Variants in ARF4 observed in about 807,000 individuals in gnomAD.
The protein encoded by ARF4 is ARF GTPase 4, also known as ADP-ribosylation factor 4.
A neutral mutation model predicts 24.3 loss-of-function variants in ARF4; 5 were observed. The ratio of observed to expected loss-of-function variants is 0.21; its 90% CI spans 0.11 to 0.43. The LOEUF (loss-of-function observed/expected upper bound fraction) is 0.43, where lower values mean the gene tolerates loss of function less well. ARF4 is among the 20% of genes least tolerant of loss of function. The pLI is 1.00. For missense variants in ARF4, 107 were observed against 213.0 expected (o/e 0.50, Z 3.10); for synonymous variants, 62 against 73.5 (o/e 0.84, Z 0.80).
chr3:57,572,366 C>G, intron 5 of ARF4, 68 bp from the exon 6 acceptor site: 6 of 1,162,608 alleles, frequency 5.2e-6, no homozygotes, highest in Non-Finnish European at 7.6e-6. Context: ...TTTAAACTTT[C>G]TTAATCAAAC....
rs751389168 is a variant in ARF4, at chr3:57,575,725, G to T, written c.331-52C>A. On this transcript the variant is annotated intron_variant, in intron 4 of 5. Transcript: ENST00000303436. ...AACTACCAACCGGAATCCAATTTTT[G>T]AAAATGTCTTCCTATATATACTTTA... 29 of 1,547,510 alleles carry T rather than the reference G, an allele frequency of 1.9e-5. No individual in the cohort carries two copies. In the Middle Eastern group the frequency reaches 6.9e-4, roughly 37 times the overall value.
intron 1 of ARF4, among the ~76,000 whole-genome samples, chr3:57,594,514 T>A (rs1345437960): frequency 1.3e-5 from 2 of 152,278 alleles, no homozygotes; most frequent in African/African-American, 4.8e-5. Context: ...TACACTGTGT[T>A]GGTTTTTTAA....
intron 1 of ARF4, among the ~76,000 whole-genome samples, chr3:57,591,623 C>T (rs2070117706): frequency 6.6e-6 from 1 of 152,070 alleles, no homozygotes; most frequent in African/African-American, 2.4e-5. Context: ...TCTGCCACCA[C>T]ACCCGGCTAA....
intron 1 of ARF4, among the ~76,000 whole-genome samples, chr3:57,593,276 A>G (rs2070136598): frequency 6.6e-6 from 1 of 152,194 alleles, no homozygotes; most frequent in Admixed American, 6.6e-5. Flanking sequence ...CAGATAGGTA[A>G]TTATCACTTT....
intron 1 of ARF4, 191 bp downstream of exon 1, chr3:57,596,883 G>C: frequency 1.7e-6 from 1 of 598,770 alleles, no homozygotes. Flanking sequence ...CTCGTCTGGC[G>C]ACAGATCGGG....
At chr3:57,596,743 G>C in intron 1 of ARF4, 1 of 297,156 alleles carries the variant, frequency 3.4e-6, no homozygotes, top group South Asian at 3.5e-5. Flanking sequence ...CCCAGAAAGG[G>C]CCTCGCCAAG....
Position 57,577,340 on chromosome 3 carries a change from T to C in ARF4, c.306A>G (p.Glu102=). 10 of 1,613,812 alleles carry C rather than the reference T, an allele frequency of 6.2e-6. No individual in the cohort carries two copies. Among genetic ancestry groups the C allele is most frequent in the Non-Finnish European group, 7.6e-6 (9 of 1,179,874 alleles). The change falls in exon 4 of 6, where the codon GAA becomes GAG. Residue 102 remains glutamate, a synonymous_variant. Coordinates refer to ENST00000303436, the MANE Select transcript of ARF4 (RefSeq NM_001660.4). The stretch of plus-strand genomic sequence containing the variant: ...CCATTTTCTGCAGCTCATCTGCTAC[T>C]TCCTGAATTCTTTCACGATCGTTGC... ...VDSNDRERIQ[E]VADELQKMLL... is the part of the protein sequence containing the mutation.
chr3:57,574,871 C>T (rs1470648008), intron 5 of ARF4, among the ~76,000 whole-genome samples: 2 of 144,870 alleles, frequency 1.4e-5, no homozygotes, highest in African/African-American at 2.6e-5. Context: ...TTTTTGAGAC[C>T]GAGTTTCGCT....
At chr3:57,596,795 A>G (rs573666501) in intron 1 of ARF4, 1 of 407,042 alleles carries the variant, frequency 2.5e-6, no homozygotes, top group South Asian at 2.6e-5. Flanking sequence ...TCTCTGCCCA[A>G]TGTTGTCCAG....
At chr3:57,579,243 AACT>A (rs1365811702) in intron 3 of ARF4, among the ~76,000 whole-genome samples, 4 of 118,834 alleles carry the variant, frequency 3.4e-5, no homozygotes, top group Non-Finnish European at 7.0e-5. Context: ...GACAAGAGCA[AACT>A]ACATCTCAAA....
chr3:57,589,674 C>T (rs183295066), intron 1 of ARF4, among the ~76,000 whole-genome samples: 8 of 149,972 alleles, frequency 5.3e-5, no homozygotes, highest in East Asian at 2.0e-4. Context: ...GCCCATACCG[C>T]GCCACGGCAC....
chr3:57,577,103 G>C (rs146096819), intron 4 of ARF4, among the ~76,000 whole-genome samples: 2 of 151,278 alleles, frequency 1.3e-5, no homozygotes, highest in African/African-American at 4.8e-5. Flanking sequence ...ACTTACTGAA[G>C]TAGCTACTCT....
At chr3:57,574,901 T>A (rs1325789934) in intron 5 of ARF4, among the ~76,000 whole-genome samples, 1 of 149,400 alleles carries the variant, frequency 6.7e-6, no homozygotes, top group Non-Finnish European at 1.5e-5. Context: ...CAGGCTGGAG[T>A]GCAGTGGCGC....
At position 57,573,193 on chromosome 3, in the gene ARF4, C is replaced by G. The variant is rs2069861001; in HGVS notation, c.457-895G>C. Reference sequence around the variant, plus strand: ...CTCCAGCCTGGGTGACAGAGCAAGACTCCATCTCAAAAAAAAAAAAAAGAA... The same window carrying G: ...CTCCAGCCTGGGTGACAGAGCAAGAGTCCATCTCAAAAAAAAAAAAAAGAA... On this transcript the variant is annotated intron_variant, in intron 5 of 5. Transcript: ENST00000303436. 1.5e-5 allele frequency among the ~76,000 whole-genome samples: 2 copies of G among 137,130 alleles called. 1 individual carries two copies. Among genetic ancestry groups the G allele is most frequent in the South Asian group, 5.3e-4 (2 of 3,752 alleles). The allele number at this position is 137,130 out of a possible 152,430, so 90.0% of individuals were successfully genotyped here.
At chr3:57,595,965 G>A (rs1329086633) in intron 1 of ARF4, among the ~76,000 whole-genome samples, 3 of 150,910 alleles carry the variant, frequency 2.0e-5, no homozygotes, top group East Asian at 3.9e-4. Flanking sequence ...AAAAAAAAAA[G>A]GAAGAGAAAA....
chr3:57,581,073 AT>A (rs1366475980), intron 3 of ARF4, among the ~76,000 whole-genome samples: 2 of 152,246 alleles, frequency 1.3e-5, no homozygotes, highest in African/African-American at 4.8e-5. Flanking sequence ...CTGCTATGAA[AT>A]TATTTGAAAA....
rs191664215 is a variant in ARF4 at position 57,576,083 on chromosome 3, A to G, written c.331-410T>C. Among the ~76,000 whole-genome samples the G allele has an allele frequency of 8.7e-3, 1,320 of 152,278 alleles. 16 individuals carry two copies. Among genetic ancestry groups the G allele is most frequent in the Non-Finnish European group, 0.011 (748 of 68,016 alleles). ...TTCTTTTCGGACTTCTATCCTTTCC[A>G]ACAACAGTGGGACAATAACACAATT... On this transcript the variant is annotated intron_variant, in intron 4 of 5. Coordinates refer to ENST00000303436, the MANE Select transcript of ARF4 (RefSeq NM_001660.4).
Position 57,579,548 on chromosome 3 carries a change from A to G in ARF4, c.259-2161T>C, listed in dbSNP as rs1256385220. Among the ~76,000 whole-genome samples the G allele has an allele frequency of 1.3e-5, 2 of 151,988 alleles. 1 individual carries two copies. Among genetic ancestry groups the G allele is most frequent in the South Asian group, 4.1e-4 (2 of 4,826 alleles). On this transcript the variant is annotated intron_variant, in intron 3 of 5. Transcript: ENST00000303436. ...GGTGATCTGCCTGCTTTGGCCTCCC[A>G]AAGTGCTGGGATTACAGGTGTGAGC...
chr3:57,590,759 G>A (rs1310234597), intron 1 of ARF4, among the ~76,000 whole-genome samples: 1 of 152,060 alleles, frequency 6.6e-6, no homozygotes, highest in Non-Finnish European at 1.5e-5. Context: ...GCTCACTGTA[G>A]CCTCAAACTC....
Sources: gnomAD v4.1 joint callset for allele counts (sites outside exome capture counted in the v4.1 genomes callset) on GRCh38, gnomAD v4.1.1 for gene constraint, MANE v1.5 for transcripts, NCBI Gene and HGNC (gene_info 2026-07-23, HGNC 2026-07-21) for gene names.